The following ZBED6 variants were observed in gnomAD, a reference collection of about 807,000 sequenced individuals.
The protein encoded by ZBED6 is zinc finger BED-type containing 6.
Under a neutral mutation model 58.4 loss-of-function variants are expected in ZBED6, and 40 were observed. The observed-to-expected ratio is 0.68, with a 90% CI of 0.53 to 0.89. The LOEUF is 0.89. Among genes scored for constraint, ZBED6 ranks in the 40% least tolerant of loss-of-function variants. The pLI is 0.00. For synonymous variants in ZBED6, 439 were observed against 350.6 expected, an observed-to-expected ratio of 1.25 and a Z score of -2.82; for missense variants, 1,057 against 1,003.9, an observed-to-expected ratio of 1.05 and a Z score of -0.71.
At chr1:203,824,423 C>A (rs1679815176) in intron 3 of ZBED6, among the ~76,000 whole-genome samples, 2 of 152,152 alleles carry the variant, frequency 1.3e-5, no homozygotes, top group South Asian at 4.1e-4. Context: ...TTATCATGTA[C>A]CCCTTCTGTG....
chr1:203,817,166 C>A, intron 2 of ZBED6, 42 bp downstream of exon 2: 2 of 1,514,610 alleles, frequency 1.3e-6, no homozygotes, highest in Non-Finnish European at 1.8e-6. Context: ...CTACAATTTG[C>A]TTAATAGAAT....
chr1:203,808,480 C>A (rs750352302), intron 1 of ZBED6, among the ~76,000 whole-genome samples: 1 of 152,176 alleles, frequency 6.6e-6, no homozygotes, highest in Non-Finnish European at 1.5e-5. Flanking sequence ...TGTAAAGACT[C>A]AAGTCCATCA....
chr1:203,841,870 C>T (rs1686376428), intron 11 of ZBED6, among the ~76,000 whole-genome samples: 1 of 145,198 alleles, frequency 6.9e-6, no homozygotes. Flanking sequence ...GGAGGGGCTC[C>T]TCACTTCTCA....
chr1:203,799,963 C>G (rs1272338242), exon 1 of ZBED6: 1 of 1,536,146 alleles, frequency 6.5e-7, no homozygotes, highest in East Asian at 2.4e-5. Flanking sequence ...CAAATTCCAA[C>G]TTCAGAAGCT....
exon 10 of ZBED6, chr1:203,838,037 A>G: frequency 6.2e-7 from 1 of 1,614,204 alleles, no homozygotes; most frequent in Non-Finnish European, 8.5e-7. Context: ...AGCTCCAGAA[A>G]CTAACATTGA....
At chr1:203,810,418 G>A (rs1673987781) in intron 1 of ZBED6, among the ~76,000 whole-genome samples, 1 of 144,232 alleles carries the variant, frequency 6.9e-6, no homozygotes, top group African/African-American at 2.6e-5. Flanking sequence ...CATTGTAGCT[G>A]TTAGGTTTTT....
At chr1:203,837,904 G>A (rs1012336917) in intron 9 of ZBED6, 62 bp from the exon 10 acceptor site, 29 of 1,488,806 alleles carry the variant, frequency 1.9e-5, no homozygotes, top group Non-Finnish European at 2.5e-5. Context: ...GTTTTTGTTT[G>A]TATTTCTTGT....
chr1:203,815,643 G>C (rs1365422924), intron 1 of ZBED6, among the ~76,000 whole-genome samples: 1 of 151,940 alleles, frequency 6.6e-6, no homozygotes, highest in Non-Finnish European at 1.5e-5. Context: ...TAAACATTTG[G>C]GTACATGTTT....
At chr1:203,845,299 A>G (rs1422846510) in intron 11 of ZBED6, among the ~76,000 whole-genome samples, 1 of 152,150 alleles carries the variant, frequency 6.6e-6, no homozygotes, top group African/African-American at 2.4e-5. Flanking sequence ...CAGGGCCTCT[A>G]TGTCACCATT....
intron 1 of ZBED6, among the ~76,000 whole-genome samples, chr1:203,804,924 C>A (rs1194163246): frequency 6.6e-6 from 1 of 151,794 alleles, no homozygotes; most frequent in East Asian, 1.9e-4. Flanking sequence ...CTGCCCAACT[C>A]GGCCTCCTAA....
chr1:203,797,632 C>G (rs1558085648), exon 1 of ZBED6: 1 of 1,535,824 alleles, frequency 6.5e-7, no homozygotes, highest in Non-Finnish European at 8.7e-7. Context: ...AATTCTAATA[C>G]AGATGAAGAA....
chr1:203,851,106 C>G, exon 16 of ZBED6: 1 of 1,614,176 alleles, frequency 6.2e-7, no homozygotes. Flanking sequence ...GTGCCTGAAG[C>G]AGAAAATCCT....
intron 2 of ZBED6, among the ~76,000 whole-genome samples, chr1:203,818,125 C>T (rs978643544): frequency 2.6e-5 from 4 of 151,998 alleles, no homozygotes; most frequent in South Asian, 2.1e-4. Context: ...ACAACAGTAG[C>T]GTTTTATTTC....
chr1:203,847,761 T>C (rs1688284730), intron 12 of ZBED6, 74 bp downstream of exon 12: 1 of 1,536,666 alleles, frequency 6.5e-7, no homozygotes, highest in Non-Finnish European at 8.7e-7. Context: ...GGGATCTTCC[T>C]AGGAGTTGTT....
rs773758123 is a variant in ZBED6 at position 203,820,274 on chromosome 1, A to G, written c.*2873+1585A>G. On this transcript the variant is annotated intron_variant, in intron 3 of 16. Transcript: ENST00000550078. ...AAAAGCCCAAATTCAAGTGTTGCACATAGTTGTCACGACTAGTTTTGTCTC... is the reference window on the plus strand; with the variant it reads ...AAAAGCCCAAATTCAAGTGTTGCACGTAGTTGTCACGACTAGTTTTGTCTC... Among the ~76,000 whole-genome samples, 212 of 151,146 alleles carry G rather than the reference A, an allele frequency of 1.4e-3. 1 individual carries two copies. Among genetic ancestry groups the G allele is most frequent in the Non-Finnish European group, 1.5e-4 (10 of 67,884 alleles).
intron 3 of ZBED6, among the ~76,000 whole-genome samples, chr1:203,826,064 T>C (rs769785112): frequency 2.0e-5 from 3 of 152,160 alleles, no homozygotes; most frequent in Non-Finnish European, 4.4e-5. Flanking sequence ...AAAGGTAGGC[T>C]TAGGAACAAG....
intron 3 of ZBED6, among the ~76,000 whole-genome samples, chr1:203,826,113 T>C (rs1680429459): frequency 1.3e-5 from 2 of 152,216 alleles, no homozygotes; most frequent in African/African-American, 4.8e-5. Flanking sequence ...AAAGGAAGAA[T>C]TGAATAATTG....
rs1681336954 is a variant in ZBED6 at position 203,828,702 on chromosome 1, A to C, written c.*2997+280A>C. 2.0e-5 allele frequency among the ~76,000 whole-genome samples: 3 copies of C among 152,176 alleles called. No homozygotes were observed. The South Asian group carries it at 6.2e-4, about 32-fold the overall frequency. On this transcript the variant is annotated intron_variant, in intron 4 of 16. Coordinates refer to ENST00000550078, the Ensembl canonical transcript of ZBED6. ...GTTTTCAAAATAAATTTGATTTTCTAGGTCAAAGGTTGGCAAAACTGGTCC... is the reference window on the plus strand; with the variant it reads ...GTTTTCAAAATAAATTTGATTTTCTCGGTCAAAGGTTGGCAAAACTGGTCC...
In ZBED6 at chr1:203,796,620, T is replaced by G. The variant is rs1278994815; in HGVS notation, c.-903T>G. ...TTTTAGGGTAAATGTATGTAGGTAT[T>G]GGGGGAAGGGGAGGGATCAATCGAA... On this transcript the variant is annotated 5_prime_UTR_variant, in exon 1 of 17. The change creates a new upstream start codon in the 5' untranslated region. Transcript: ENST00000550078. 1 of 396,018 alleles carries G rather than the reference T, an allele frequency of 2.5e-6. No homozygotes were observed. Among genetic ancestry groups the G allele is most frequent in the Non-Finnish European group, 4.4e-6 (1 of 224,904 alleles). 24.5% of individuals were successfully genotyped at this position (396,018 alleles called of 1,614,324 possible). A position where few individuals can be genotyped will look rare whatever the true frequency, so the allele number is the denominator to read the frequency against.
Sources: allele counts gnomAD v4.1 joint callset (sites outside exome capture counted in the v4.1 genomes callset), GRCh38; gene constraint gnomAD v4.1.1; transcripts MANE v1.5; gene names NCBI Gene and HGNC (gene_info 2026-07-23, HGNC 2026-07-21).